Variants in NUDCD3 observed in about 807,000 individuals in gnomAD.
The protein encoded by NUDCD3 is nudC domain-containing protein 3.
NUDCD3 carries 13 observed loss-of-function variants against 39.7 expected under a neutral mutation model. The ratio of observed to expected loss-of-function variants is 0.33; its 90% CI spans 0.21 to 0.52. The LOEUF (loss-of-function observed/expected upper bound fraction) is 0.52. Among genes scored for constraint, NUDCD3 ranks in the 20% least tolerant of loss-of-function variants. The pLI is 0.96. For missense variants in NUDCD3, 453 were observed against 458.1 expected (o/e 0.99, Z 0.10); for synonymous variants, 175 against 172.4 (o/e 1.02, Z -0.12).
chr7:44,394,986 T>C (rs561426755), intron 4 of NUDCD3, among the ~76,000 whole-genome samples: 8 of 152,196 alleles, frequency 5.3e-5, no homozygotes, highest in Non-Finnish European at 1.2e-4. Flanking sequence ...ATCTTCTGTG[T>C]CCACAAGTGT....
At chr7:44,455,511 T>A (rs1259879409) in intron 2 of NUDCD3, among the ~76,000 whole-genome samples, 1 of 152,112 alleles carries the variant, frequency 6.6e-6, no homozygotes, top group African/African-American at 2.4e-5. Context: ...CTTTCCCTCT[T>A]TCCCTCCAAG....
intron 3 of NUDCD3, 47 bp from the exon 4 acceptor site, chr7:44,404,630 C>CTGGTGTGCTGTACGGTGGGAG: frequency 6.2e-7 from 1 of 1,600,856 alleles, no homozygotes; most frequent in Non-Finnish European, 8.5e-7. Context: ...AGGGTGACCA[C>CTGGTGTGCTGTACGGTGGGAG]TGGTGTGCTG....
chr7:44,428,530 A>G (rs1414966730), intron 2 of NUDCD3, among the ~76,000 whole-genome samples: 1 of 152,174 alleles, frequency 6.6e-6, no homozygotes, highest in African/African-American at 2.4e-5. Context: ...TTCATAGTAA[A>G]TAAATCACAG....
At chr7:44,440,488 G>GA (rs1799557123) in intron 2 of NUDCD3, among the ~76,000 whole-genome samples, 2 of 12,676 alleles carry the variant, frequency 1.6e-4, no homozygotes, top group African/African-American at 2.8e-4. Flanking sequence ...GAGAAAACCA[G>GA]AAAAATTGAA....
intron 5 of NUDCD3, among the ~76,000 whole-genome samples, chr7:44,389,852 G>A (rs1798476415): frequency 6.6e-6 from 1 of 151,994 alleles, no homozygotes; most frequent in African/African-American, 2.4e-5. Context: ...GGAGGGAAGG[G>A]GAGGGGCAAG....
chr7:44,490,658 T>G lies in NUDCD3; in HGVS notation c.-58A>C, dbSNP rs776974888. 2 of 1,501,878 alleles carry G rather than the reference T, an allele frequency of 1.3e-6. No homozygotes were observed. Among genetic ancestry groups the G allele is most frequent in the Non-Finnish European group, 1.8e-6 (2 of 1,124,234 alleles). 93.0% of individuals were successfully genotyped at this position (1,501,878 alleles called of 1,614,324 possible). ...ACAGCGCCGCCTCAGACCTGCCGAC[T>G]GGCCACTTCCGGCGTCCGCAGCCAA... On this transcript the variant is annotated 5_prime_UTR_variant, in exon 1 of 6. Coordinates refer to ENST00000355451, the MANE Select transcript of NUDCD3 (RefSeq NM_015332.4).
At chr7:44,417,339 G>A (rs1277167723) in intron 3 of NUDCD3, among the ~76,000 whole-genome samples, 1 of 152,204 alleles carries the variant, frequency 6.6e-6, no homozygotes. Flanking sequence ...AAGAATCATG[G>A]CATCAACATC....
intron 3 of NUDCD3, among the ~76,000 whole-genome samples, chr7:44,415,467 T>C (rs1412640761): frequency 1.3e-5 from 2 of 152,260 alleles, no homozygotes; most frequent in Non-Finnish European, 2.9e-5. Flanking sequence ...AGAAGTTTTC[T>C]TTCAGATTCA....
chr7:44,437,069 C>CTTTTTT (rs35904938), intron 2 of NUDCD3, among the ~76,000 whole-genome samples: 425 of 117,256 alleles, frequency 3.6e-3, no homozygotes, highest in Non-Finnish European at 5.4e-3. Flanking sequence ...CTTTTCTTTT[C>CTTTTTT]TTTTTTTTTT....
intron 1 of NUDCD3, among the ~76,000 whole-genome samples, chr7:44,487,810 T>C (rs888734611): frequency 2.0e-5 from 3 of 151,564 alleles, no homozygotes; most frequent in African/African-American, 7.3e-5. Flanking sequence ...AAAAATTCTC[T>C]AGGCATGGTG....
chr7:44,396,202 C>T (rs1798622134), intron 4 of NUDCD3, among the ~76,000 whole-genome samples: 1 of 151,970 alleles, frequency 6.6e-6, no homozygotes, highest in African/African-American at 2.4e-5. Flanking sequence ...AGGCCTGCCT[C>T]CTCTGCCTTC....
intron 2 of NUDCD3, among the ~76,000 whole-genome samples, chr7:44,441,502 A>G (rs1162999497): frequency 6.6e-6 from 1 of 152,166 alleles, no homozygotes; most frequent in Non-Finnish European, 1.5e-5. Flanking sequence ...TGGAGTATGG[A>G]AGCATCAGAA....
At chr7:44,427,833 C>T (rs73105350) in intron 2 of NUDCD3, 130 bp from the exon 3 acceptor site, 31,398 of 872,828 alleles carry the variant, frequency 0.036, 846 homozygotes, top group African/African-American at 0.11. Context: ...AGTTCACTGG[C>T]TCTGGCATCT....
chr7:44,379,302 C>A lies in NUDCD3; in HGVS notation c.*6709G>T, dbSNP rs1458614172. The A allele has an allele frequency of 7.7e-6, 1 of 129,494 alleles. No individual in the cohort carries two copies. The highest frequency in any genetic ancestry group is 2.9e-5 in the African/African-American group (1 of 34,404). The allele number at this position is 129,494 out of a possible 1,614,324, so 8.0% of individuals were successfully genotyped here. A position where few individuals can be genotyped will look rare whatever the true frequency, so the allele number is the denominator to read the frequency against. ...AACTCTGTCTCAAAAAAAAAAAAAA[C>A]TTTTAAAATGACCATATCATGGAAA... On this transcript the variant is annotated 3_prime_UTR_variant, in exon 6 of 6. Transcript: ENST00000355451.
intron 2 of NUDCD3, among the ~76,000 whole-genome samples, chr7:44,454,819 A>G (rs1171941767): frequency 6.6e-6 from 1 of 152,048 alleles, no homozygotes; most frequent in Non-Finnish European, 1.5e-5. Context: ...TGTGATCCCA[A>G]CTACTCCAGA....
At chr7:44,444,432 T>G (rs1274686419) in intron 2 of NUDCD3, among the ~76,000 whole-genome samples, 2 of 152,168 alleles carry the variant, frequency 1.3e-5, no homozygotes, top group Admixed American at 1.3e-4. Context: ...CTTTTCTGGC[T>G]GGGAGACAGG....
chr7:44,390,361 C>T (rs909774584), intron 5 of NUDCD3, among the ~76,000 whole-genome samples: 3 of 152,054 alleles, frequency 2.0e-5, no homozygotes, highest in African/African-American at 4.8e-5. Context: ...GAGGCTCTGT[C>T]TCAAAAAATT....
At chr7:44,459,357 C>T (rs1471644406) in intron 2 of NUDCD3, among the ~76,000 whole-genome samples, 1 of 151,920 alleles carries the variant, frequency 6.6e-6, no homozygotes, top group Non-Finnish European at 1.5e-5. Flanking sequence ...CACCACCATG[C>T]CTGGCTAATT....
chr7:44,459,720 A>C (rs1039767724), intron 2 of NUDCD3, among the ~76,000 whole-genome samples: 5 of 152,234 alleles, frequency 3.3e-5, no homozygotes, highest in African/African-American at 1.2e-4. Context: ...CAACACAAAC[A>C]TTAACTGTAT....
Sources: allele counts gnomAD v4.1 joint callset (sites outside exome capture counted in the v4.1 genomes callset), GRCh38; gene constraint gnomAD v4.1.1; transcripts MANE v1.5; gene names NCBI Gene and HGNC (gene_info 2026-07-23, HGNC 2026-07-21).